Variants in PPP2R2A observed in about 807,000 individuals in gnomAD.
PPP2R2A encodes the protein protein phosphatase 2 regulatory subunit Balpha, also known as serine/threonine-protein phosphatase 2A 55 kDa regulatory subunit B alpha isoform.
In PPP2R2A, 9 loss-of-function variants were observed where a neutral mutation model predicts 53.2. That is an observed-to-expected ratio of 0.17 (90% CI 0.10 to 0.30). PPP2R2A has a LOEUF of 0.30. Ranked by LOEUF, PPP2R2A falls within the 10% of genes least tolerant of loss-of-function variation. The pLI, the probability that PPP2R2A is intolerant of heterozygous loss-of-function variation, is 1.00. For synonymous variants in PPP2R2A, 169 were observed against 174.2 expected, an observed-to-expected ratio of 0.97 and a Z score of 0.23; for missense variants, 235 against 534.6, an observed-to-expected ratio of 0.44 and a Z score of 5.53.
intron 2 of PPP2R2A, among the ~76,000 whole-genome samples, chr8:26,336,761 G>A (rs1803684080): frequency 6.6e-6 from 1 of 151,564 alleles, no homozygotes; most frequent in Non-Finnish European, 1.5e-5. Flanking sequence ...CATGCCTGTA[G>A]TACCAGCTAT....
intron 2 of PPP2R2A, among the ~76,000 whole-genome samples, chr8:26,316,719 G>T (rs965109532): frequency 6.6e-6 from 1 of 152,154 alleles, no homozygotes; most frequent in Non-Finnish European, 1.5e-5. Context: ...CTACTTTCTG[G>T]TTCAGAGACA....
chr8:26,345,080 GA>G (rs1164894388), intron 3 of PPP2R2A, among the ~76,000 whole-genome samples: 3 of 152,106 alleles, frequency 2.0e-5, no homozygotes, highest in Non-Finnish European at 4.4e-5. Flanking sequence ...GGCCAGGTGT[GA>G]AATTTTCCAC....
At chr8:26,342,215 G>A (rs1314228710) in intron 3 of PPP2R2A, among the ~76,000 whole-genome samples, 1 of 152,212 alleles carries the variant, frequency 6.6e-6, no homozygotes, top group South Asian at 2.1e-4. Context: ...TGTAATCACA[G>A]CCATCATGTG....
Position 26,360,020 on chromosome 8 carries a change from T to C in PPP2R2A, c.347-149T>C, listed in dbSNP as rs1375009109. 2.0e-6 allele frequency: 1 copy of C among 500,436 alleles called. No individual in the cohort carries two copies. The highest frequency in any genetic ancestry group is 3.3e-5 in the Admixed American group (1 of 30,120). The allele number at this position is 500,436 out of a possible 1,614,324, so 31.0% of individuals were successfully genotyped here. ...CCATGTGTGTATGTTATTCAGCTGA[T>C]AATAGGAAATTTTTTAGTAAGTTCA... On this transcript the variant is annotated intron_variant, in intron 4 of 9. Coordinates refer to ENST00000380737, the MANE Select transcript of PPP2R2A (RefSeq NM_002717.4). This position sits in a 1 kb window ranked among gnomAD's most constrained non-coding sequence, Gnocchi z 4.5.
At chr8:26,356,420 A>G (rs1303053310) in intron 4 of PPP2R2A, among the ~76,000 whole-genome samples, 1 of 152,212 alleles carries the variant, frequency 6.6e-6, no homozygotes, top group Non-Finnish European at 1.5e-5. Context: ...AATAGACTGC[A>G]TTCCCCTCTC....
intron 2 of PPP2R2A, among the ~76,000 whole-genome samples, chr8:26,296,200 A>T (rs746950593): frequency 6.6e-6 from 1 of 152,190 alleles, no homozygotes; most frequent in Non-Finnish European, 1.5e-5. Flanking sequence ...AGTTAATCTT[A>T]AATGCAGTCC....
At chr8:26,295,488 CA>C (rs1801502942) in intron 2 of PPP2R2A, among the ~76,000 whole-genome samples, 1 of 152,132 alleles carries the variant, frequency 6.6e-6, no homozygotes, top group South Asian at 2.1e-4. Flanking sequence ...CATACCATAA[CA>C]AAAGATGCTG....
chr8:26,312,186 T>C (rs1420068021), intron 2 of PPP2R2A, among the ~76,000 whole-genome samples: 1 of 152,218 alleles, frequency 6.6e-6, no homozygotes, highest in Non-Finnish European at 1.5e-5. Flanking sequence ...GCAAATGTTA[T>C]TATACCAGTG....
chr8:26,345,990 ATTAT>A (rs1804193367), intron 3 of PPP2R2A, among the ~76,000 whole-genome samples: 2 of 152,146 alleles, frequency 1.3e-5, no homozygotes, highest in South Asian at 2.1e-4. Context: ...CTGCCCACAG[ATTAT>A]TTAAACATTC....
intron 2 of PPP2R2A, among the ~76,000 whole-genome samples, chr8:26,310,365 T>G (rs995122066): frequency 3.4e-5 from 5 of 147,786 alleles, no homozygotes; most frequent in Non-Finnish European, 7.4e-5. Flanking sequence ...ATTATATCTG[T>G]TAATATTTGG....
rs781039624 is a variant in PPP2R2A at position 26,293,237 on chromosome 8, C to G, written c.8-429C>G. The G allele has an allele frequency of 6.5e-6, 10 of 1,535,738 alleles. No individual in the cohort carries two copies. The South Asian group carries it at 1.1e-4, about 16-fold the overall frequency. ...GTTCATATGAATCATTACTCCTTACCCAGGCAGTAATGTTCCCGAAGTTTT... is the reference window on the plus strand; with the variant it reads ...GTTCATATGAATCATTACTCCTTACGCAGGCAGTAATGTTCCCGAAGTTTT... On this transcript the variant is annotated intron_variant, in intron 1 of 9. Coordinates refer to ENST00000380737, the MANE Select transcript of PPP2R2A (RefSeq NM_002717.4).
At chr8:26,364,039 TC>T (rs1234280551) in intron 8 of PPP2R2A, 149 bp downstream of exon 8, 2 of 632,194 alleles carry the variant, frequency 3.2e-6, no homozygotes, top group African/African-American at 3.7e-5. Flanking sequence ...ATGTTGCTCT[TC>T]CTTATGTTAA....
At chr8:26,300,267 T>A (rs1801721560) in intron 2 of PPP2R2A, among the ~76,000 whole-genome samples, 1 of 152,160 alleles carries the variant, frequency 6.6e-6, no homozygotes, top group African/African-American at 2.4e-5. Flanking sequence ...TTCTTGAAAA[T>A]TGTGGAATAA....
intron 2 of PPP2R2A, among the ~76,000 whole-genome samples, chr8:26,305,633 T>G (rs1801983319): frequency 6.6e-6 from 1 of 152,118 alleles, no homozygotes; most frequent in Non-Finnish European, 1.5e-5. Context: ...ATTCCTTCAT[T>G]TTAGGTACAT....
chr8:26,355,672 G>T (rs1328613901), intron 4 of PPP2R2A, among the ~76,000 whole-genome samples: 1 of 152,084 alleles, frequency 6.6e-6, no homozygotes, highest in Non-Finnish European at 1.5e-5. Context: ...AGACCATCCT[G>T]GCTAACATGG....
chr8:26,356,916 G>A (rs150535297), intron 4 of PPP2R2A, among the ~76,000 whole-genome samples: 3 of 152,260 alleles, frequency 2.0e-5, no homozygotes, highest in Admixed American at 2.0e-4. Flanking sequence ...AAGCAAATCC[G>A]ATTACAACGT....
At chr8:26,296,424 C>A (rs1366538076) in intron 2 of PPP2R2A, among the ~76,000 whole-genome samples, 1 of 152,226 alleles carries the variant, frequency 6.6e-6, no homozygotes, top group African/African-American at 2.4e-5. Context: ...TTTGTTTTTG[C>A]TGCTTCCACC....
chr8:26,300,874 C>G (rs1445541101), intron 2 of PPP2R2A, among the ~76,000 whole-genome samples: 1 of 151,996 alleles, frequency 6.6e-6, no homozygotes, highest in African/African-American at 2.4e-5. Context: ...AAAGAAAAAG[C>G]CTAGGTGCAA....
intron 1 of PPP2R2A, chr8:26,293,015 T>C (rs975014468): frequency 1.5e-4 from 64 of 435,796 alleles, no homozygotes; most frequent in Non-Finnish European, 2.1e-4. Context: ...GAGATGACAT[T>C]AGCAAAATGA....
Sources: gnomAD v4.1 joint callset for allele counts (sites outside exome capture counted in the v4.1 genomes callset) on GRCh38, gnomAD v4.1.1 for gene constraint, Gnocchi (gnomAD v3.1) non-coding constraint, MANE v1.5 for transcripts, NCBI Gene and HGNC (gene_info 2026-07-23, HGNC 2026-07-21) for gene names.